Variants in ZNF157 observed in about 807,000 individuals in gnomAD.
ZNF157 encodes the protein zinc finger protein 157.
ZNF157 carries 8 observed loss-of-function variants against 9.4 expected under a neutral mutation model. That is an observed-to-expected ratio of 0.85 (90% CI 0.50 to 1.53). The LOEUF (loss-of-function observed/expected upper bound fraction) is 1.53. Ranked by LOEUF, ZNF157 falls within the 40% of genes most tolerant of loss-of-function variation. The pLI is 0.00. For synonymous variants in ZNF157, 120 were observed against 130.8 expected (o/e 0.92, Z 0.56); for missense variants, 316 against 385.2 (o/e 0.82, Z 1.50).
At chrX:47,385,867 C>G (rs961210507) in intron 1 of ZNF157, among the ~76,000 whole-genome samples, 1 of 110,735 alleles carries the variant, frequency 9.0e-6, no homozygotes, top group Admixed American at 9.8e-5. Context: ...TGCACCCGGC[C>G]ATGATTCCAC....
In ZNF157 at chrX:47,398,344, T is replaced by C. The variant is rs186672915; in HGVS notation, c.73-11932T>C. ...AACATGGTGAGACTTGTGAATTCCA[T>C]GAGCATGGTCCCATTGCCCCACTCC... On this transcript the variant is annotated intron_variant, in intron 1 of 3. Transcript: ENST00000377073. 7.1e-4 allele frequency among the ~76,000 whole-genome samples: 79 copies of C among 111,815 alleles called. No homozygotes were observed. The East Asian group carries it at 9.3e-3, about 13-fold the overall frequency.
chrX:47,381,836 T>C (rs190380569), intron 1 of ZNF157, among the ~76,000 whole-genome samples: 2 of 111,994 alleles, frequency 1.8e-5, no homozygotes, highest in Admixed American at 9.6e-5. Context: ...AGACCTAGCA[T>C]GCCAGACTTG....
rs370250527 is a variant in ZNF157 at position 47,413,156 on chromosome X, T to C, written c.1083T>C (p.Asn361=). The C allele has an allele frequency of 1.7e-6, 2 of 1,210,272 alleles. No homozygotes were observed. The highest frequency in any genetic ancestry group is 3.5e-5 in the African/African-American group (2 of 57,344). Residue 361 remains asparagine, a synonymous_variant, in exon 4 of 4, where the codon AAT becomes AAC. Coordinates refer to ENST00000377073, the MANE Select transcript of ZNF157 (RefSeq NM_003446.4). ...CAGGTGAAAAGCCCTATCAGTGTAA[T>C]GAATGTGGGAAATCTTTCAGGGTGC... ...THTGEKPYQC[N]ECGKSFRVHS... is the part of the protein sequence containing the mutation.
intron 1 of ZNF157, among the ~76,000 whole-genome samples, chrX:47,406,595 G>A (rs991580198): frequency 9.8e-5 from 11 of 111,791 alleles, no homozygotes; most frequent in African/African-American, 3.6e-4. Flanking sequence ...GGCTGGTCTT[G>A]AACTCCTGAC....
At chrX:47,404,462 G>A (rs1369324342) in intron 1 of ZNF157, among the ~76,000 whole-genome samples, 1 of 110,481 alleles carries the variant, frequency 9.1e-6, no homozygotes, top group Non-Finnish European at 1.9e-5. Flanking sequence ...ACCGCACCTG[G>A]CAGACAGAGG....
At chrX:47,377,338 G>A (rs1233433664) in intron 1 of ZNF157, among the ~76,000 whole-genome samples, 2 of 109,190 alleles carry the variant, frequency 1.8e-5, no homozygotes, top group African/African-American at 6.7e-5. Flanking sequence ...TACTCTGTGT[G>A]AATTACTCTT....
At chrX:47,375,161 T>C (rs1474614896) in intron 1 of ZNF157, among the ~76,000 whole-genome samples, 1 of 105,128 alleles carries the variant, frequency 9.5e-6, no homozygotes, top group African/African-American at 3.5e-5. Flanking sequence ...GGATTACAGG[T>C]GTGCACCACC....
chrX:47,405,958 C>A (rs1436030480), intron 1 of ZNF157, among the ~76,000 whole-genome samples: 8 of 109,842 alleles, frequency 7.3e-5, no homozygotes, highest in Non-Finnish European at 1.5e-4. Flanking sequence ...ACCCATCACA[C>A]AAGCAGTATA....
intron 1 of ZNF157, among the ~76,000 whole-genome samples, chrX:47,392,682 C>T (rs1442432493): frequency 8.9e-6 from 1 of 111,846 alleles, no homozygotes; most frequent in Non-Finnish European, 1.9e-5. Flanking sequence ...CAGTTTCTGC[C>T]TGTGGATCTG....
At chrX:47,401,989 G>A (rs766983506) in intron 1 of ZNF157, among the ~76,000 whole-genome samples, 14 of 111,076 alleles carry the variant, frequency 1.3e-4, no homozygotes, top group South Asian at 1.2e-3. Flanking sequence ...CTCCCGCTTC[G>A]GCCTCTCAAA....
chrX:47,393,541 T>C (rs1401381382), intron 1 of ZNF157, among the ~76,000 whole-genome samples: 3 of 111,073 alleles, frequency 2.7e-5, no homozygotes, highest in Non-Finnish European at 5.7e-5. Flanking sequence ...AAGAGCATGC[T>C]TTCCCAACAG....
chrX:47,407,732 A>G (rs746847713), intron 1 of ZNF157, among the ~76,000 whole-genome samples: 1 of 108,301 alleles, frequency 9.2e-6, no homozygotes, highest in Non-Finnish European at 1.9e-5. Context: ...GCTCACTGCA[A>G]CCTCCACCTC....
At chrX:47,374,032 T>C (rs2055836312) in intron 1 of ZNF157, among the ~76,000 whole-genome samples, 1 of 110,112 alleles carries the variant, frequency 9.1e-6, no homozygotes, top group Non-Finnish European at 1.9e-5. Flanking sequence ...AGCAAATTAA[T>C]TGAACCCTAG....
intron 1 of ZNF157, among the ~76,000 whole-genome samples, chrX:47,407,081 C>T (rs1726594337): frequency 8.9e-6 from 1 of 112,081 alleles, no homozygotes; most frequent in Non-Finnish European, 1.9e-5. Flanking sequence ...TGTCAAATGA[C>T]TTTTCTATAT....
At position 47,387,721 on chromosome X, in the gene ZNF157, G is replaced by A. The variant is rs748369113; in HGVS notation, c.72+16981G>A. 3.7e-5 allele frequency among the ~76,000 whole-genome samples: 4 copies of A among 107,465 alleles called. No homozygotes were observed. In the South Asian group the frequency reaches 1.7e-3, roughly 46 times the overall value. 93.3% of individuals were successfully genotyped at this position (107,465 alleles called of 115,157 possible). Reference sequence around the variant, plus strand: ...GTTCGAGACCAGCCTGGCCAATGTAGTGAAACCCCCATCTCTACTAAAAAT... The same window carrying A: ...GTTCGAGACCAGCCTGGCCAATGTAATGAAACCCCCATCTCTACTAAAAAT... On this transcript the variant is annotated intron_variant, in intron 1 of 3. Coordinates refer to ENST00000377073, the MANE Select transcript of ZNF157 (RefSeq NM_003446.4).
chrX:47,400,004 T>C (rs2055925921), intron 1 of ZNF157, among the ~76,000 whole-genome samples: 1 of 100,784 alleles, frequency 9.9e-6, no homozygotes, highest in African/African-American at 3.6e-5. Flanking sequence ...TCTTTTTTTT[T>C]TTTTTTTTTT....
chrX:47,394,623 CA>C (rs1350405254), intron 1 of ZNF157, among the ~76,000 whole-genome samples: 1 of 111,708 alleles, frequency 9.0e-6, no homozygotes, highest in Non-Finnish European at 1.9e-5. Flanking sequence ...CATTATATAA[CA>C]AGGATGGTTT....
chrX:47,394,254 G>A (rs1325353143), intron 1 of ZNF157, among the ~76,000 whole-genome samples: 2 of 111,083 alleles, frequency 1.8e-5, no homozygotes, highest in African/African-American at 6.5e-5. Flanking sequence ...GAGCCACCGC[G>A]CCTGGCCCCT....
intron 1 of ZNF157, among the ~76,000 whole-genome samples, chrX:47,405,672 T>A (rs1021715932): frequency 8.1e-5 from 9 of 111,416 alleles, no homozygotes; most frequent in Non-Finnish European, 1.3e-4. Context: ...CTTTTTATTT[T>A]ATTTATTTTT....
Sources: allele counts gnomAD v4.1 joint callset (sites outside exome capture counted in the v4.1 genomes callset), GRCh38; gene constraint gnomAD v4.1.1; transcripts MANE v1.5; gene names NCBI Gene and HGNC (gene_info 2026-07-23, HGNC 2026-07-21).